The following TTC6 variants were observed in gnomAD, a reference collection of about 807,000 sequenced individuals.
The protein encoded by TTC6 is tetratricopeptide repeat protein 6.
Under a neutral mutation model 210.4 loss-of-function variants are expected in TTC6, and 172 were observed. The observed-to-expected ratio is 0.82, with a 90% CI of 0.72 to 0.93. The LOEUF (loss-of-function observed/expected upper bound fraction) is 0.93. Ranked by LOEUF, TTC6 falls within the 40% of genes least tolerant of loss-of-function variation. The pLI is 0.00. For synonymous variants in TTC6, 804 were observed against 819.6 expected, an observed-to-expected ratio of 0.98 and a Z score of 0.32; for missense variants, 2,414 against 2,318.1, an observed-to-expected ratio of 1.04 and a Z score of -0.85.
chr14:37,669,230 A>G (rs897505132), intron 1 of TTC6, among the ~76,000 whole-genome samples: 1 of 152,210 alleles, frequency 6.6e-6, no homozygotes, highest in African/African-American at 2.4e-5. Flanking sequence ...TAGAGAACCA[A>G]ATAAGCACAC....
intron 14 of TTC6, among the ~76,000 whole-genome samples, chr14:37,784,430 C>T (rs1595259082): frequency 6.6e-6 from 1 of 152,102 alleles, no homozygotes; most frequent in Non-Finnish European, 1.5e-5. Context: ...TTATCAGAGA[C>T]CAGGATTACA....
intron 1 of TTC6, among the ~76,000 whole-genome samples, chr14:37,603,372 C>A (rs2095619365): frequency 1.3e-5 from 2 of 152,188 alleles, no homozygotes; most frequent in South Asian, 4.1e-4. Flanking sequence ...CGACCTCACC[C>A]AGGGAAATGA....
exon 20 of TTC6, chr14:37,796,789 C>G (rs745757054): frequency 4.4e-6 from 7 of 1,595,076 alleles, no homozygotes; most frequent in African/African-American, 1.3e-5. Flanking sequence ...CCTTTTAGGT[C>G]TCAGTGAGTT....
intron 10 of TTC6, among the ~76,000 whole-genome samples, chr14:37,746,954 T>C (rs569197030): frequency 3.1e-4 from 47 of 152,210 alleles, no homozygotes; most frequent in Non-Finnish European, 6.3e-4. Flanking sequence ...TTCAGTTTTC[T>C]GCTTCTTGCC....
At chr14:37,792,312 C>G (rs1264045851) in exon 17 of TTC6, 2 of 1,532,506 alleles carry the variant, frequency 1.3e-6, no homozygotes, top group Non-Finnish European at 1.7e-6. Context: ...ATCTGCTACA[C>G]CTGGATAACT....
intron 1 of TTC6, among the ~76,000 whole-genome samples, chr14:37,673,229 G>A (rs2095761935): frequency 6.6e-6 from 1 of 152,078 alleles, no homozygotes; most frequent in African/African-American, 2.4e-5. Context: ...ACATTCTTCT[G>A]CCTGTAAGGA....
At chr14:37,700,215 A>G (rs1190429169) in intron 4 of TTC6, among the ~76,000 whole-genome samples, 1 of 152,156 alleles carries the variant, frequency 6.6e-6, no homozygotes, top group Non-Finnish European at 1.5e-5. Context: ...TTCCACCCAG[A>G]AGTCACTAAT....
intron 11 of TTC6, 44 bp from the exon 14 acceptor site, chr14:37,749,670 T>C: frequency 1.3e-5 from 16 of 1,271,752 alleles, no homozygotes; most frequent in Non-Finnish European, 1.6e-5. Flanking sequence ...GATATCCTCC[T>C]TTAACAAATC....
rs188608775 is a variant in TTC6 at position 37,738,713 on chromosome 14, T to C, written c.1984-63T>C. On this transcript the variant is annotated intron_variant, in intron 9 of 30. Transcript: ENST00000553443. ...TAGTAATTGTAACAGAATTAATTAA[T>C]TTTGAATGCATAGCAACTAAATTGA... 2.9e-4 allele frequency: 376 copies of C among 1,297,674 alleles called. No homozygotes were observed. In the African/African-American group the frequency reaches 5.1e-3, roughly 17 times the overall value. The allele number at this position is 1,297,674 out of a possible 1,614,324, so 80.4% of individuals were successfully genotyped here.
Position 37,794,883 on chromosome 14 carries a change from C to T in TTC6, c.3709-387C>T, listed in dbSNP as rs151160915. Among the ~76,000 whole-genome samples the T allele has an allele frequency of 1.9e-3, 296 of 152,070 alleles. 2 individuals carry two copies. The highest frequency in any genetic ancestry group is 6.9e-3 in the African/African-American group (288 of 41,494). On this transcript the variant is annotated intron_variant, in intron 17 of 30. Coordinates refer to ENST00000553443, the Ensembl canonical transcript of TTC6. ...GAATTAGAGGCCTGAGACCAGCCTG[C>T]ATGCTGCTTGATTAAGATGGATCAG... is the stretch of plus-strand genomic sequence containing the variant.
intron 1 of TTC6, among the ~76,000 whole-genome samples, chr14:37,605,711 C>T (rs1048662746): frequency 6.6e-6 from 1 of 152,076 alleles, no homozygotes; most frequent in Non-Finnish European, 1.5e-5. Flanking sequence ...AGTGTATTAC[C>T]ATAGCTGGAG....
intron 26 of TTC6, among the ~76,000 whole-genome samples, chr14:37,818,800 G>C (rs1234815457): frequency 6.6e-6 from 1 of 152,064 alleles, no homozygotes; most frequent in African/African-American, 2.4e-5. Flanking sequence ...AGCAACCTTT[G>C]TACAATCTAT....
intron 5 of TTC6, among the ~76,000 whole-genome samples, chr14:37,710,763 T>C (rs1566903477): frequency 6.6e-6 from 1 of 152,306 alleles, no homozygotes; most frequent in East Asian, 1.9e-4. Context: ...CAGTGATTTT[T>C]AGTCTTCCTT....
chr14:37,804,888 G>C, intron 21 of TTC6, 74 bp downstream of exon 23: 1 of 1,556,604 alleles, frequency 6.4e-7, no homozygotes, highest in South Asian at 1.2e-5. Flanking sequence ...TTCTGTTTCT[G>C]AAGGCCACCT....
chr14:37,616,675 C>T (rs61987974), intron 2 of TTC6, among the ~76,000 whole-genome samples: 29,980 of 146,482 alleles, frequency 0.2, 3,289 homozygotes, highest in South Asian at 0.26. Context: ...CCAGCCTGGG[C>T]GACAGAGTGA....
intron 14 of TTC6, among the ~76,000 whole-genome samples, chr14:37,778,514 T>C (rs1489955243): frequency 2.0e-5 from 3 of 152,070 alleles, no homozygotes; most frequent in Admixed American, 2.0e-4. Flanking sequence ...GCACATGCAA[T>C]TGCGCATCAT....
chr14:37,829,729 G>T (rs1017876392), intron 29 of TTC6, among the ~76,000 whole-genome samples: 2 of 151,980 alleles, frequency 1.3e-5, no homozygotes, highest in Non-Finnish European at 2.9e-5. Flanking sequence ...GAGGATTCCA[G>T]GCTAGAAGCT....
At chr14:37,812,168 T>G in intron 24 of TTC6, 146 bp from the exon 27 acceptor site, 1 of 791,268 alleles carries the variant, frequency 1.3e-6, no homozygotes, top group Non-Finnish European at 1.9e-6. Flanking sequence ...CCTTTAAATC[T>G]AACATATGAT....
At chr14:37,796,407 C>A in intron 19 of TTC6, 37 bp downstream of exon 21, 1 of 881,562 alleles carries the variant, frequency 1.1e-6, no homozygotes, top group Non-Finnish European at 1.7e-6. Context: ...AGAAATACTT[C>A]TTTAAAATTT....
Sources: allele counts gnomAD v4.1 joint callset (sites outside exome capture counted in the v4.1 genomes callset), GRCh38; gene constraint gnomAD v4.1.1; transcripts MANE v1.5; gene names NCBI Gene and HGNC (gene_info 2026-07-23, HGNC 2026-07-21).